Variants in CSDE1 observed in about 807,000 individuals in gnomAD.
CSDE1 encodes cold shock domain-containing protein E1.
Under a neutral mutation model 89.3 loss-of-function variants are expected in CSDE1, and 17 were observed. The ratio of observed to expected loss-of-function variants is 0.19; its 90% confidence interval spans 0.13 to 0.29. The LOEUF is 0.29. Among genes scored for constraint, CSDE1 ranks in the 10% least tolerant of loss-of-function variants. The pLI, the probability that CSDE1 is intolerant of heterozygous loss-of-function variation, is 1.00. For missense variants in CSDE1, 672 were observed against 984.2 expected (o/e 0.68, Z 4.24); for synonymous variants, 322 against 332.8 (o/e 0.97, Z 0.35).
At chr1:114,750,645 G>C (rs1055588347) in intron 1 of CSDE1, among the ~76,000 whole-genome samples, 1 of 151,808 alleles carries the variant, frequency 6.6e-6, no homozygotes, top group Non-Finnish European at 1.5e-5. Flanking sequence ...TGCTCAATTA[G>C]TATCTAGGTA....
At position 114,730,320 on chromosome 1, in the gene CSDE1, C is replaced by T. The variant is rs1277388009; in HGVS notation, c.1294G>A (p.Val432Ile). Reference sequence around the variant, plus strand: ...TTGGAAAAAGTGGCTTCTTTTTCTACCGTGCCCAGAAAACGGTGATCTGAA... The same window carrying T: ...TTGGAAAAAGTGGCTTCTTTTTCTATCGTGCCCAGAAAACGGTGATCTGAA... ...SHSDHRFLGTVEKEATFSNPK... is the reference protein window; with the variant it reads ...SHSDHRFLGTIEKEATFSNPK... The change falls in exon 12 of 20, where the codon GTA becomes ATA. Residue 432 changes from valine to isoleucine, a missense_variant. By Grantham distance (29) the Val-to-Ile change is conservative. Coordinates refer to ENST00000358528, the MANE Select transcript of CSDE1 (RefSeq NM_001007553.3). 2 of 1,614,154 alleles carry T rather than the reference C, an allele frequency of 1.2e-6. No individual in the cohort carries two copies. The highest frequency in any genetic ancestry group is 1.7e-5 in the Admixed American group (1 of 60,022).
intron 1 of CSDE1, among the ~76,000 whole-genome samples, chr1:114,750,591 GA>G (rs532208483): frequency 2.6e-4 from 38 of 145,172 alleles, no homozygotes; most frequent in South Asian, 2.0e-3. Flanking sequence ...TGTAAACATG[GA>G]AAAAAAAAAC....
At chr1:114,756,318 G>C (rs557139900) in intron 1 of CSDE1, among the ~76,000 whole-genome samples, 1 of 152,006 alleles carries the variant, frequency 6.6e-6, no homozygotes, top group African/African-American at 2.4e-5. Context: ...TTAGTCCCAG[G>C]GCTAAAACGA....
intron 18 of CSDE1, 89 bp from the exon 19 acceptor site, chr1:114,718,834 C>T (rs761817872): frequency 7.1e-7 from 1 of 1,417,956 alleles, no homozygotes; most frequent in Admixed American, 2.0e-5. Flanking sequence ...ACCTAACTGC[C>T]CAAATGACTC....
At chr1:114,732,908 T>A (rs1292332056) in intron 9 of CSDE1, 92 bp from the exon 10 acceptor site, 2 of 1,119,452 alleles carry the variant, frequency 1.8e-6, no homozygotes, top group African/African-American at 3.1e-5. Context: ...ACCCATGTTA[T>A]TTTTAACTTA....
At chr1:114,740,158 G>A (rs1660642440) in intron 2 of CSDE1, among the ~76,000 whole-genome samples, 1 of 152,074 alleles carries the variant, frequency 6.6e-6, no homozygotes, top group Non-Finnish European at 1.5e-5. Context: ...TAATATTAAG[G>A]TATAGCAACT....
At position 114,737,479 on chromosome 1, in the gene CSDE1, G is replaced by A. The variant is rs750281436; in HGVS notation, c.394C>T (p.Arg132Cys). Residue 132 changes from arginine to cysteine, a missense_variant, in exon 5 of 20, where the codon CGT becomes TGT. By Grantham distance (180) the Arg-to-Cys change is radical. This residue lies in a region of CSDE1 where 124 missense variants were observed against 138.7 expected (regional missense o/e 0.89). Coordinates refer to ENST00000358528, the MANE Select transcript of CSDE1 (RefSeq NM_001007553.3). ...AAAATACACAAGTTTACCCCATTAC[G>A]TTCGTAGCATACACTCCCTGTTGGA... ...QSPTGSVCYE[R>C]NGEVFYLTYT... The A allele has an allele frequency of 3.7e-6, 6 of 1,612,484 alleles. No individual in the cohort carries two copies. Among genetic ancestry groups the A allele is most frequent in the Non-Finnish European group, 5.1e-6 (6 of 1,178,782 alleles).
Position 114,739,801 on chromosome 1 carries a change from A to G in CSDE1, c.90T>C (p.Ile30=). ...TSAALRETGV[I]EKLLTSYGFI... ...ATCCGTAAGAGGTTAACAGTTTTTC[A>G]ATAACCCCAGTTTCACGCAGTGCTG... is the stretch of plus-strand genomic sequence containing the variant. Residue 30 remains isoleucine, a synonymous_variant, in exon 3 of 20, where the codon ATT becomes ATC. Coordinates refer to ENST00000358528, the MANE Select transcript of CSDE1 (RefSeq NM_001007553.3). 1 of 1,614,048 alleles carries G rather than the reference A, an allele frequency of 6.2e-7. No homozygotes were observed. The highest frequency in any genetic ancestry group is 1.1e-5 in the South Asian group (1 of 91,090).
intron 12 of CSDE1, among the ~76,000 whole-genome samples, chr1:114,728,414 A>G (rs1659915025): frequency 1.3e-5 from 2 of 152,190 alleles, no homozygotes; most frequent in African/African-American, 2.4e-5. Flanking sequence ...TAGAGATAGG[A>G]GAATCCCTGC....
In CSDE1 at chr1:114,726,322, A is replaced by G. The variant is rs753318960; in HGVS notation, c.1529T>C (p.Leu510Ser). The change falls in exon 14 of 20, where the codon TTA (leucine) becomes TCA (serine). Residue 510 changes from leucine to serine, a missense_variant. This residue lies in a region of CSDE1 where 108 missense variants were observed against 105.0 expected (regional missense o/e 1.03). Transcript: ENST00000358528. ...CCTCTTGGAGTTAGAATTACGACCT[A>G]AAAGTCGCACACAAGTTGCAACCTG... ...GQQVATCVRL[L>S]GRNSNSKRLL... 13 of 1,613,748 alleles carry G rather than the reference A, an allele frequency of 8.1e-6. No homozygotes were observed. Among genetic ancestry groups the G allele is most frequent in the Admixed American group, 1.7e-5 (1 of 59,958 alleles).
At chr1:114,738,825 G>C (rs7530257) in intron 3 of CSDE1, among the ~76,000 whole-genome samples, 37,486 of 151,086 alleles carry the variant, frequency 0.25, 4,971 homozygotes, top group Middle Eastern at 0.29. Context: ...CACATGTCAC[G>C]TTCCTCAGCT....
At chr1:114,736,888 G>A in intron 5 of CSDE1, 33 bp from the exon 6 acceptor site, 1 of 1,516,360 alleles carries the variant, frequency 6.6e-7, no homozygotes, top group Non-Finnish European at 9.1e-7. Flanking sequence ...TACTATTTTG[G>A]CAGGATGCAT....
chr1:114,734,211 T>C lies in CSDE1; in HGVS notation c.583-94A>G, dbSNP rs551799183. On this transcript the variant is annotated intron_variant, in intron 7 of 19. Coordinates refer to ENST00000358528, the MANE Select transcript of CSDE1 (RefSeq NM_001007553.3). ...CAGTAATTTTTGTAAAATTATACTG[T>C]AGTCACAATAATATAATTTGGTACA... 3.0e-3 allele frequency: 4,126 copies of C among 1,367,722 alleles called. 15 individuals are homozygous for C. Among genetic ancestry groups the C allele is most frequent in the Non-Finnish European group, 3.6e-3 (3,626 of 1,005,878 alleles). 84.7% of individuals were successfully genotyped at this position (1,367,722 alleles called of 1,614,324 possible). A position where few individuals can be genotyped will look rare whatever the true frequency, so the allele number is the denominator to read the frequency against.
chr1:114,719,429 A>C (rs377028406), intron 18 of CSDE1, 150 bp downstream of exon 18: 1 of 854,176 alleles, frequency 1.2e-6, no homozygotes, highest in Non-Finnish European at 1.7e-6. Context: ...TGTACTAAAC[A>C]ATCTTTTTGT....
chr1:114,757,305 A>C (rs1661655274), intron 1 of CSDE1, among the ~76,000 whole-genome samples: 1 of 152,144 alleles, frequency 6.6e-6, no homozygotes, highest in Non-Finnish European at 1.5e-5. Context: ...CACTTCCCCT[A>C]AGATATCTAG....
chr1:114,726,643 A>G (rs961542512), intron 13 of CSDE1, among the ~76,000 whole-genome samples: 4 of 152,230 alleles, frequency 2.6e-5, no homozygotes, highest in African/African-American at 9.6e-5. Context: ...AACCAAACAT[A>G]TTAAGTATGA....
At chr1:114,732,900 C>T (rs1660181461) in intron 9 of CSDE1, 84 bp from the exon 10 acceptor site, 2 of 1,196,798 alleles carry the variant, frequency 1.7e-6, no homozygotes, top group African/African-American at 1.5e-5. Flanking sequence ...CATAGTAAAC[C>T]CATGTTATTT....
intron 15 of CSDE1, among the ~76,000 whole-genome samples, chr1:114,724,565 G>C (rs1659696942): frequency 6.6e-6 from 1 of 152,156 alleles, no homozygotes; most frequent in Admixed American, 6.5e-5. Flanking sequence ...CCAAAAATAA[G>C]TTGCAGGTCT....
chr1:114,735,497 G>A (rs542723735), intron 6 of CSDE1, among the ~76,000 whole-genome samples: 2 of 152,116 alleles, frequency 1.3e-5, no homozygotes, highest in Non-Finnish European at 2.9e-5. Flanking sequence ...GAACTTATAC[G>A]TCATTTTACA....
Sources: gnomAD v4.1 joint callset for allele counts (sites outside exome capture counted in the v4.1 genomes callset) on GRCh38, gnomAD v4.1.1 for gene constraint, gnomAD v4.1.1 regional missense constraint, MANE v1.5 for transcripts, NCBI Gene and HGNC (gene_info 2026-07-23, HGNC 2026-07-21) for gene names.